Variants in GAL3ST2 observed in about 807,000 individuals in gnomAD.
GAL3ST2 encodes galactose-3-O-sulfotransferase 2.
In GAL3ST2, 16 loss-of-function variants were observed where a neutral mutation model predicts 12.9. The ratio of observed to expected loss-of-function variants is 1.24; its 90% CI spans 0.84 to 1.88. The LOEUF is 1.88. Ranked by LOEUF, GAL3ST2 falls within the 40% of genes most tolerant of loss-of-function variation. The pLI is 0.00. For synonymous variants in GAL3ST2, 302 were observed against 273.9 expected, an observed-to-expected ratio of 1.10 and a Z score of -1.01; for missense variants, 639 against 571.8, an observed-to-expected ratio of 1.12 and a Z score of -1.20.
Position 241,804,249 on chromosome 2 carries a change from G to A in GAL3ST2, c.*83G>A. 2 of 1,204,308 alleles carry A rather than the reference G, an allele frequency of 1.7e-6. No individual in the cohort carries two copies. Among genetic ancestry groups the A allele is most frequent in the South Asian group, 2.2e-5 (1 of 45,506 alleles). The allele number at this position is 1,204,308 out of a possible 1,614,324, so 74.6% of individuals were successfully genotyped here. ...CCGGGGAGGCCGGGGATCCTTGCAG[G>A]GCTTCTGGGGCGTTGGGAAACCCAG... On this transcript the variant is annotated 3_prime_UTR_variant, in exon 4 of 4. Coordinates refer to ENST00000192314, the MANE Select transcript of GAL3ST2 (RefSeq NM_022134.3).
intron 1 of GAL3ST2, among the ~76,000 whole-genome samples, chr2:241,792,664 A>AGATC (rs1394717593): frequency 6.6e-6 from 1 of 152,098 alleles, no homozygotes; most frequent in African/African-American, 2.4e-5. Context: ...TAGCCATGAG[A>AGATC]GATCAGATGA....
In GAL3ST2 at chr2:241,795,026, C is replaced by T. The variant is rs991190651; in HGVS notation, c.30-4039C>T. ...TTCTAGTAAATTCCCAGTAGTGCAG[C>T]CACAGGCTCTCCTTAAAGAATGTGT... On this transcript the variant is annotated intron_variant, in intron 1 of 3. Transcript: ENST00000192314. The surrounding 1 kb of genome is among the most constrained non-coding windows in gnomAD (Gnocchi z 4.5). 5.9e-5 allele frequency among the ~76,000 whole-genome samples: 9 copies of T among 152,136 alleles called. No individual in the cohort carries two copies. Among genetic ancestry groups the T allele is most frequent in the African/African-American group, 2.2e-4 (9 of 41,426 alleles).
rs377637820 is a variant in GAL3ST2, at chr2:241,802,014, A to G, written c.353A>G (p.His118Arg). ...CAGCGCTTCAACATCATGTGCAACC[A>G]CCTGAGGTTCAACCTGCCTCAGGTA... is the stretch of plus-strand genomic sequence containing the variant. ...SQQRFNIMCN[H>R]LRFNLPQVQK... is the part of the protein sequence containing the mutation. The change falls in exon 3 of 4, where the codon CAC becomes CGC. Residue 118 changes from histidine (H) to arginine (R), a missense_variant. Transcript: ENST00000192314. This position sits in a 1 kb window ranked among gnomAD's most constrained non-coding sequence, Gnocchi z 4.8. 5 of 1,611,628 alleles carry G rather than the reference A, an allele frequency of 3.1e-6. No individual in the cohort carries two copies. Among genetic ancestry groups the G allele is most frequent in the Middle Eastern group, 1.7e-4 (1 of 6,048 alleles).
intron 1 of GAL3ST2, among the ~76,000 whole-genome samples, chr2:241,779,771 A>C (rs1353188324): frequency 6.6e-6 from 1 of 151,440 alleles, no homozygotes; most frequent in African/African-American, 2.4e-5. Flanking sequence ...GGATCACCTG[A>C]GATCAGGAGT....
At chr2:241,777,066 G>A in intron 1 of GAL3ST2, 82 bp downstream of exon 1, 1 of 1,232,468 alleles carries the variant, frequency 8.1e-7, no homozygotes, top group South Asian at 2.2e-5. Flanking sequence ...AGTGGGTTTT[G>A]TTTGTCTTTC....
At chr2:241,791,174 C>A (rs62193071) in intron 1 of GAL3ST2, among the ~76,000 whole-genome samples, 37,634 of 151,990 alleles carry the variant, frequency 0.25, 5,929 homozygotes, top group African/African-American at 0.45. Context: ...GCCATGGTCA[C>A]TCATTTTGGC....
At chr2:241,786,136 C>CG (rs1559413474) in intron 1 of GAL3ST2, among the ~76,000 whole-genome samples, 4 of 118,314 alleles carry the variant, frequency 3.4e-5, no homozygotes, top group East Asian at 2.7e-4. Context: ...CACCACACAC[C>CG]TTTTGTGTGT....
chr2:241,782,667 A>G (rs1313298565), intron 1 of GAL3ST2, among the ~76,000 whole-genome samples: 1 of 152,174 alleles, frequency 6.6e-6, no homozygotes, highest in Non-Finnish European at 1.5e-5. Flanking sequence ...CTGTGTTTCA[A>G]TAATGCAGTT....
rs1045952343 is a variant in GAL3ST2 at position 241,801,105 on chromosome 2, C to T, written c.120-676C>T. 4 of 152,322 alleles carry T rather than the reference C, an allele frequency of 2.6e-5. No homozygotes were observed. The allele number at this position is 152,322 out of a possible 1,614,324, so 9.4% of individuals were successfully genotyped here. On this transcript the variant is annotated intron_variant, in intron 2 of 3. Coordinates refer to ENST00000192314, the MANE Select transcript of GAL3ST2 (RefSeq NM_022134.3). The surrounding 1 kb of genome is among the most constrained non-coding windows in gnomAD (Gnocchi z 4.4). ...ATTAGGTATTTGTCCTAATGCTTTC[C>T]TTCCCCTTACACCCCATCCCCGACA... is the stretch of plus-strand genomic sequence containing the variant.
Position 241,786,942 on chromosome 2 carries a change from C to T in GAL3ST2, c.29+9958C>T, listed in dbSNP as rs112263307. The stretch of plus-strand genomic sequence containing the variant: ...AACTGCTTAGGGCCAACCTGCCTCC[C>T]GTTCTCTTCAAAGTCTCCCCTCTGC... On this transcript the variant is annotated intron_variant, in intron 1 of 3. Transcript: ENST00000192314. 2.5e-3 allele frequency among the ~76,000 whole-genome samples: 380 copies of T among 152,294 alleles called. 1 individual carries two copies. Among genetic ancestry groups the T allele is most frequent in the African/African-American group, 8.7e-3 (361 of 41,564 alleles).
chr2:241,783,340 T>TA (rs1699588699), intron 1 of GAL3ST2, among the ~76,000 whole-genome samples: 1 of 151,370 alleles, frequency 6.6e-6, no homozygotes, highest in Non-Finnish European at 1.5e-5. Flanking sequence ...CCCTGCATCT[T>TA]AAACAACCAG....
chr2:241,803,942 G>A lies in GAL3ST2; in HGVS notation c.973G>A (p.Gly325Ser), dbSNP rs78253117. ...RELASLCLQD[G>S]GALKNHTQIR... ...ACTCGCGAGCCTGTGCCTGCAGGAC[G>A]GCGGCGCGCTCAAGAACCACACGCA... Residue 325 changes from glycine (G) to serine (S), a missense_variant, in exon 4 of 4, where the codon GGC (glycine) becomes AGC (serine). By Grantham distance (56) the Gly-to-Ser change is moderately conservative (BLOSUM62 0). Transcript: ENST00000192314. The A allele has an allele frequency of 0.049, 71,076 of 1,463,000 alleles. 1,960 individuals carry two copies. Among genetic ancestry groups the A allele is most frequent in the African/African-American group, 0.054 (3,666 of 67,698 alleles). The allele number at this position is 1,463,000 out of a possible 1,614,324, so 90.6% of individuals were successfully genotyped here.
chr2:241,796,477 C>T (rs1699773289), intron 1 of GAL3ST2, among the ~76,000 whole-genome samples: 3 of 149,992 alleles, frequency 2.0e-5, no homozygotes, highest in Non-Finnish European at 3.0e-5. Flanking sequence ...AGCTGATGGT[C>T]GTCACGTATC....
At position 241,793,410 on chromosome 2, in the gene GAL3ST2, A is replaced by C. The variant is rs1402857281; in HGVS notation, c.30-5655A>C. 6.6e-6 allele frequency among the ~76,000 whole-genome samples: 1 copy of C among 151,802 alleles called. No individual in the cohort carries two copies. The highest frequency in any genetic ancestry group is 6.6e-5 in the Admixed American group (1 of 15,236). The stretch of plus-strand genomic sequence containing the variant: ...TGCATGTGTGTGTATATGTATGTAT[A>C]CATGTACGTGTGTATATTGTGTACG... On this transcript the variant is annotated intron_variant, in intron 1 of 3. Transcript: ENST00000192314. This position sits in a 1 kb window ranked among gnomAD's most constrained non-coding sequence, Gnocchi z 4.7.
chr2:241,786,624 G>A (rs1232212249), intron 1 of GAL3ST2, among the ~76,000 whole-genome samples: 1 of 151,868 alleles, frequency 6.6e-6, no homozygotes, highest in Admixed American at 6.6e-5. Context: ...AAAAAAATAG[G>A]GAGTTGTACA....
chr2:241,789,369 A>G (rs879886656), intron 1 of GAL3ST2, among the ~76,000 whole-genome samples: 1 of 152,160 alleles, frequency 6.6e-6, no homozygotes, highest in Admixed American at 6.5e-5. Flanking sequence ...TTTATGTTCA[A>G]TTGGCAATTA....
intron 1 of GAL3ST2, among the ~76,000 whole-genome samples, chr2:241,797,004 A>C (rs1473023527): frequency 6.6e-6 from 1 of 152,192 alleles, no homozygotes; most frequent in Non-Finnish European, 1.5e-5. Context: ...TGGCGCAGCC[A>C]TCCTTGAAAC....
At chr2:241,798,446 C>T (rs1337427980) in intron 1 of GAL3ST2, among the ~76,000 whole-genome samples, 8 of 152,274 alleles carry the variant, frequency 5.3e-5, no homozygotes, top group Non-Finnish European at 2.9e-5. Flanking sequence ...CTCTCTGTGC[C>T]CCTATATGGG....
chr2:241,777,117 C>A, intron 1 of GAL3ST2, 133 bp downstream of exon 1: 2 of 817,894 alleles, frequency 2.4e-6, no homozygotes, highest in Non-Finnish European at 3.4e-6. Context: ...CCTACTCAGG[C>A]TTCCCTGAAT....
Sources: gnomAD v4.1 joint callset for allele counts (sites outside exome capture counted in the v4.1 genomes callset) on GRCh38, gnomAD v4.1.1 for gene constraint, Gnocchi (gnomAD v3.1) non-coding constraint, MANE v1.5 for transcripts, NCBI Gene and HGNC (gene_info 2026-07-23, HGNC 2026-07-21) for gene names.